COMMD10: variants seen among roughly 807,000 people sequenced by gnomAD.
COMMD10 encodes the protein COMM domain-containing protein 10.
A neutral mutation model predicts 28.9 loss-of-function variants in COMMD10; 33 were observed. The ratio of observed to expected loss-of-function variants is 1.14; its 90% CI spans 0.87 to 1.53. The LOEUF (loss-of-function observed/expected upper bound fraction) is 1.53, where lower values mean the gene tolerates loss of function less well. Ranked by LOEUF, COMMD10 falls within the 40% of genes most tolerant of loss-of-function variation. The probability of loss-of-function intolerance (pLI) is 0.00; values close to 1 mark genes in which losing one functional copy is unlikely to be tolerated. For synonymous variants in COMMD10, 110 were observed against 81.7 expected (o/e 1.35, Z -1.87); for missense variants, 310 against 233.4 (o/e 1.33, Z -2.14).
At chr5:116,250,522 C>T (rs998781810) in intron 5 of COMMD10, among the ~76,000 whole-genome samples, 1 of 151,562 alleles carries the variant, frequency 6.6e-6, no homozygotes, top group Non-Finnish European at 1.5e-5. Context: ...GCTGAGCATA[C>T]ATGATGACTT....
At chr5:116,096,205 C>T (rs991474784) in intron 4 of COMMD10, among the ~76,000 whole-genome samples, 1 of 151,950 alleles carries the variant, frequency 6.6e-6, no homozygotes, top group Non-Finnish European at 1.5e-5. Flanking sequence ...TGAGAAATGA[C>T]TCCTTAATAA....
intron 5 of COMMD10, among the ~76,000 whole-genome samples, chr5:116,205,605 T>C (rs1375872458): frequency 1.3e-5 from 2 of 152,194 alleles, no homozygotes; most frequent in South Asian, 4.1e-4. Flanking sequence ...TGTGTGTATG[T>C]ACACATATAG....
chr5:116,124,889 C>T (rs1156920276), intron 4 of COMMD10, among the ~76,000 whole-genome samples: 2 of 151,940 alleles, frequency 1.3e-5, no homozygotes, highest in African/African-American at 2.4e-5. Flanking sequence ...GATTGCAACC[C>T]CTCCTTTATT....
chr5:116,116,076 A>T (rs910452984), intron 4 of COMMD10, among the ~76,000 whole-genome samples: 6 of 152,178 alleles, frequency 3.9e-5, no homozygotes, highest in African/African-American at 1.4e-4. Context: ...ATAAACTATT[A>T]TATAGTGAAA....
chr5:116,173,022 C>T (rs192878206), intron 5 of COMMD10, among the ~76,000 whole-genome samples: 8 of 152,144 alleles, frequency 5.3e-5, no homozygotes, highest in African/African-American at 1.9e-4. Flanking sequence ...TACTGAGATT[C>T]ATAATAATGT....
At chr5:116,217,314 A>G (rs913287627) in intron 5 of COMMD10, among the ~76,000 whole-genome samples, 4 of 152,152 alleles carry the variant, frequency 2.6e-5, no homozygotes, top group Non-Finnish European at 5.9e-5. Context: ...ACAACTTTCA[A>G]ACTTAACTAC....
chr5:116,239,710 T>A (rs983130498), intron 5 of COMMD10, among the ~76,000 whole-genome samples: 9 of 152,150 alleles, frequency 5.9e-5, no homozygotes, highest in Non-Finnish European at 1.3e-4. Flanking sequence ...CATAACTATT[T>A]AAGCATGTAA....
At chr5:116,091,832 T>A (rs1750306619) in intron 3 of COMMD10, among the ~76,000 whole-genome samples, 1 of 152,236 alleles carries the variant, frequency 6.6e-6, no homozygotes, top group Non-Finnish European at 1.5e-5. Context: ...CCTCATAAAT[T>A]CCTGTTGATT....
At chr5:116,216,701 T>G (rs1324067806) in intron 5 of COMMD10, among the ~76,000 whole-genome samples, 1 of 152,062 alleles carries the variant, frequency 6.6e-6, no homozygotes, top group Non-Finnish European at 1.5e-5. Context: ...GCCCAGCTTA[T>G]TTTTGCATTT....
chr5:116,115,950 T>A (rs1339071847), intron 4 of COMMD10, among the ~76,000 whole-genome samples: 1 of 152,196 alleles, frequency 6.6e-6, no homozygotes, highest in East Asian at 1.9e-4. Flanking sequence ...CAGGGAGTTT[T>A]AAAATATAAA....
At chr5:116,243,116 T>A (rs1016012590) in intron 5 of COMMD10, among the ~76,000 whole-genome samples, 1 of 152,188 alleles carries the variant, frequency 6.6e-6, no homozygotes, top group Non-Finnish European at 1.5e-5. Context: ...ATGGAACAAA[T>A]AGACAACTTG....
At chr5:116,226,736 A>C (rs1327584835) in intron 5 of COMMD10, among the ~76,000 whole-genome samples, 1 of 152,118 alleles carries the variant, frequency 6.6e-6, no homozygotes, top group Admixed American at 6.6e-5. Context: ...GATGGCCTTA[A>C]TATTTCTGGA....
intron 4 of COMMD10, among the ~76,000 whole-genome samples, chr5:116,094,082 G>A (rs1321231299): frequency 6.6e-6 from 1 of 152,068 alleles, no homozygotes; most frequent in African/African-American, 2.4e-5. Flanking sequence ...GAAGAAAACA[G>A]GAGAAATACT....
intron 5 of COMMD10, among the ~76,000 whole-genome samples, chr5:116,201,655 CTTCCAAGCTTCTTA>C (rs574832316): frequency 3.9e-4 from 59 of 152,228 alleles, no homozygotes; most frequent in African/African-American, 1.2e-3. Context: ...GAAATGGTGA[CTTCCAAGCTTCTTA>C]CATGCCAGAC....
rs547457335 is a variant in COMMD10, at chr5:116,169,192, A to G, written c.510+35014A>G. Among the ~76,000 whole-genome samples, 4 of 152,274 alleles carry G rather than the reference A, an allele frequency of 2.6e-5. No homozygotes were observed. The South Asian group carries it at 6.2e-4, about 24-fold the overall frequency. ...TCACCACTGATCCCACAGAAATACA[A>G]ACTACCATCAGAGAATACTATAAAC... On this transcript the variant is annotated intron_variant, in intron 5 of 6. Coordinates refer to ENST00000274458, the MANE Select transcript of COMMD10 (RefSeq NM_016144.4).
chr5:116,209,684 T>TA (rs1460642803), intron 5 of COMMD10, among the ~76,000 whole-genome samples: 3 of 152,154 alleles, frequency 2.0e-5, no homozygotes, highest in African/African-American at 7.2e-5. Flanking sequence ...GAATGAGTGT[T>TA]ATCTGAAGTC....
chr5:116,207,902 A>C (rs576766747), intron 5 of COMMD10, among the ~76,000 whole-genome samples: 17 of 152,228 alleles, frequency 1.1e-4, no homozygotes, highest in Admixed American at 7.8e-4. Context: ...TTAATGAGAG[A>C]CTACTATGGG....
chr5:116,152,021 G>T (rs1752544657), intron 5 of COMMD10, among the ~76,000 whole-genome samples: 1 of 152,138 alleles, frequency 6.6e-6, no homozygotes. Flanking sequence ...TCTACACACT[G>T]CTTTGAATGT....
intron 5 of COMMD10, among the ~76,000 whole-genome samples, chr5:116,233,909 C>T (rs1026497054): frequency 6.6e-6 from 1 of 152,064 alleles, no homozygotes; most frequent in African/African-American, 2.4e-5. Context: ...GAAAATCAAA[C>T]CTCAAAATGT....
Sources: allele counts gnomAD v4.1 joint callset (sites outside exome capture counted in the v4.1 genomes callset), GRCh38; gene constraint gnomAD v4.1.1; transcripts MANE v1.5; gene names NCBI Gene and HGNC (gene_info 2026-07-23, HGNC 2026-07-21).